ANKRD11: variants seen among roughly 807,000 people sequenced by gnomAD.
The protein encoded by ANKRD11 is ankyrin repeat domain-containing protein 11.
A neutral mutation model predicts 195.7 loss-of-function variants in ANKRD11; 17 were observed. The observed-to-expected ratio is 0.09, with a 90% CI of 0.06 to 0.13. The LOEUF (loss-of-function observed/expected upper bound fraction) is 0.13. Among genes scored for constraint, ANKRD11 ranks in the 10% least tolerant of loss-of-function variants. The pLI is 1.00. For synonymous variants in ANKRD11, 1,953 were observed against 1,528.1 expected (o/e 1.28, Z -6.49); for missense variants, 3,735 against 3,566.1 (o/e 1.05, Z -1.21).
chr16:89,378,630 T>C (rs1456039634), intron 2 of ANKRD11, among the ~76,000 whole-genome samples: 1 of 152,194 alleles, frequency 6.6e-6, no homozygotes, highest in East Asian at 1.9e-4. Context: ...AAGTAGCTTC[T>C]CTTGTTTGAA....
At chr16:89,371,195 A>T (rs1381428761) in intron 2 of ANKRD11, among the ~76,000 whole-genome samples, 2 of 152,164 alleles carry the variant, frequency 1.3e-5, no homozygotes, top group Non-Finnish European at 2.9e-5. Flanking sequence ...AAAAAGATGC[A>T]ACGACTCTCA....
intron 2 of ANKRD11, among the ~76,000 whole-genome samples, chr16:89,384,907 T>TTTTTTTTTTTTTTTTTA: frequency 1.2e-5 from 1 of 85,792 alleles, no homozygotes; most frequent in African/African-American, 4.1e-5. Flanking sequence ...TTTTTTTTTT[T>TTTTTTTTTTTTTTTTTA]GAGACTACGT....
chr16:89,391,924 T>G (rs936123130), intron 2 of ANKRD11, among the ~76,000 whole-genome samples: 3 of 152,264 alleles, frequency 2.0e-5, no homozygotes, highest in Non-Finnish European at 4.4e-5. Context: ...TGCCCTGGCA[T>G]GCTTATACTG....
intron 4 of ANKRD11, among the ~76,000 whole-genome samples, chr16:89,301,849 A>T (rs753874307): frequency 9.2e-5 from 14 of 152,196 alleles, no homozygotes; most frequent in Non-Finnish European, 1.9e-4. Flanking sequence ...GACCGCGGGC[A>T]GGGCCGACTC....
chr16:89,348,883 A>AC (rs1213945873), intron 2 of ANKRD11, among the ~76,000 whole-genome samples: 1 of 151,334 alleles, frequency 6.6e-6, no homozygotes. Context: ...TAAAAAAAAA[A>AC]AAAAAACACC....
At chr16:89,434,440 A>G (rs2043125413) in intron 1 of ANKRD11, among the ~76,000 whole-genome samples, 3 of 152,238 alleles carry the variant, frequency 2.0e-5, no homozygotes, top group Admixed American at 1.3e-4. Context: ...AAAGAAAGCC[A>G]TAAAAATGAG....
At chr16:89,428,367 T>C (rs985652262) in intron 1 of ANKRD11, among the ~76,000 whole-genome samples, 1 of 150,614 alleles carries the variant, frequency 6.6e-6, no homozygotes. Context: ...CTACTAAAAA[T>C]ACAAAAAAAT....
chr16:89,472,783 C>A (rs1243991941), intron 1 of ANKRD11, among the ~76,000 whole-genome samples: 1 of 152,150 alleles, frequency 6.6e-6, no homozygotes, highest in Non-Finnish European at 1.5e-5. Flanking sequence ...AATTACAACA[C>A]AACAATAAAT....
chr16:89,354,910 T>C (rs1381533983), intron 2 of ANKRD11, among the ~76,000 whole-genome samples: 1 of 152,110 alleles, frequency 6.6e-6, no homozygotes, highest in Non-Finnish European at 1.5e-5. Context: ...GTGAGTGGCC[T>C]GGAAGCTCGT....
intron 2 of ANKRD11, among the ~76,000 whole-genome samples, chr16:89,393,316 T>A (rs975830300): frequency 6.4e-5 from 9 of 139,610 alleles, no homozygotes; most frequent in African/African-American, 2.5e-4. Context: ...TTATTTTTAT[T>A]TTTTTTTTTT....
rs2151798739 is a variant in ANKRD11 at position 89,291,246 on chromosome 16, G to C, written c.227-63C>G. The C allele has an allele frequency of 6.3e-7, 1 of 1,596,310 alleles. No homozygotes were observed. Among genetic ancestry groups the C allele is most frequent in the East Asian group, 2.2e-5 (1 of 44,708 alleles). ...CATGCCATGGTGTCCTCCAAAGCTA[G>C]GTCCTTACCTAATGTTACGGAGCCC... On this transcript the variant is annotated intron_variant, in intron 4 of 12. Transcript: ENST00000301030. The surrounding 1 kb of genome is among the most constrained non-coding windows in gnomAD (Gnocchi z 5.3).
chr16:89,306,180 G>A (rs1483864388), intron 3 of ANKRD11, among the ~76,000 whole-genome samples: 1 of 90,788 alleles, frequency 1.1e-5, no homozygotes, highest in East Asian at 4.2e-4. Flanking sequence ...GCAGACACGC[G>A]CCACCTACCT....
chr16:89,355,438 T>C (rs577349446), intron 2 of ANKRD11, among the ~76,000 whole-genome samples: 1 of 152,264 alleles, frequency 6.6e-6, no homozygotes, highest in African/African-American at 2.4e-5. Flanking sequence ...AGCCAGACTG[T>C]TTGCCTGAAA....
chr16:89,290,353 G>A (rs2034965272), intron 6 of ANKRD11, among the ~76,000 whole-genome samples: 1 of 74,300 alleles, frequency 1.3e-5, no homozygotes, highest in African/African-American at 5.3e-5. Flanking sequence ...GAGGCTCAGG[G>A]CTCCAATGGG....
intron 1 of ANKRD11, among the ~76,000 whole-genome samples, chr16:89,436,542 T>C (rs779876209): frequency 1.4e-4 from 22 of 152,192 alleles, no homozygotes; most frequent in Non-Finnish European, 2.9e-4. Context: ...CTGCCTTGGG[T>C]GTTGGGACAT....
intron 11 of ANKRD11, among the ~76,000 whole-genome samples, chr16:89,273,585 T>C (rs1433704767): frequency 1.3e-5 from 2 of 151,808 alleles, no homozygotes; most frequent in African/African-American, 4.8e-5. Context: ...TGATCCCAGC[T>C]ACTCGGGAGG....
chr16:89,295,319 A>C (rs752163650), intron 4 of ANKRD11, among the ~76,000 whole-genome samples: 5 of 152,208 alleles, frequency 3.3e-5, no homozygotes, highest in Non-Finnish European at 7.3e-5. Flanking sequence ...TCCCAAGTCA[A>C]GCATGTTGGC....
chr16:89,489,141 A>G (rs1481357684), intron 1 of ANKRD11: 4 of 152,016 alleles, frequency 2.6e-5, no homozygotes, highest in Non-Finnish European at 5.9e-5. Context: ...CCCAAATAAC[A>G]CAAACACAAG....
rs149705237 is a variant in ANKRD11, at chr16:89,382,589, G to A, written c.-60+35695C>T. The stretch of plus-strand genomic sequence containing the variant: ...TGATCCACCTTGATCCATCCACTTC[G>A]GCCTCCCAAAGTGCTGAGATTACAG... On this transcript the variant is annotated intron_variant, in intron 2 of 12. Transcript: ENST00000301030. 7.1e-3 allele frequency among the ~76,000 whole-genome samples: 1,082 copies of A among 152,038 alleles called. 10 individuals are homozygous for A. The highest frequency in any genetic ancestry group is 0.025 in the African/African-American group (1,036 of 41,444).
Sources: allele counts gnomAD v4.1 joint callset (sites outside exome capture counted in the v4.1 genomes callset), GRCh38; gene constraint gnomAD v4.1.1; non-coding constraint Gnocchi (gnomAD v3.1); transcripts MANE v1.5; gene names NCBI Gene and HGNC (gene_info 2026-07-23, HGNC 2026-07-21).